The following NTM variants were observed in gnomAD, a reference collection of about 807,000 sequenced individuals.
NTM encodes the protein IgLON family member 2.
A neutral mutation model predicts 42.1 loss-of-function variants in NTM; 13 were observed. The ratio of observed to expected loss-of-function variants is 0.31; its 90% CI spans 0.20 to 0.49. The LOEUF is 0.49. Ranked by LOEUF, NTM falls within the 20% of genes least tolerant of loss-of-function variation. The pLI is 0.99. For synonymous variants in NTM, 187 were observed against 179.2 expected (o/e 1.04, Z -0.35); for missense variants, 373 against 452.8 (o/e 0.82, Z 1.60).
At chr11:131,584,100 A>G (rs894445673) in intron 1 of NTM, among the ~76,000 whole-genome samples, 1 of 152,238 alleles carries the variant, frequency 6.6e-6, no homozygotes, top group Non-Finnish European at 1.5e-5. Flanking sequence ...CACTAGGACT[A>G]CTACAGGCAA....
At chr11:131,949,147 A>G (rs1012382032) in intron 2 of NTM, among the ~76,000 whole-genome samples, 1 of 152,228 alleles carries the variant, frequency 6.6e-6, no homozygotes, top group Admixed American at 6.5e-5. Context: ...GTGTCGTCAC[A>G]TATGGCAGAT....
rs114616808 is a variant in NTM at position 131,775,941 on chromosome 11, C to A, written c.83-135623C>A. Among the ~76,000 whole-genome samples the A allele has an allele frequency of 7.4e-3, 1,129 of 152,262 alleles. 11 individuals are homozygous for A. The highest frequency in any genetic ancestry group is 0.025 in the African/African-American group (1,037 of 41,552). On this transcript the variant is annotated intron_variant, in intron 1 of 8. Transcript: ENST00000683400. ...TATTAGGGCAGACTAAGTGCTTTGA[C>A]AAAGATAACCCACACTGCTCATTGT...
intron 4 of NTM, among the ~76,000 whole-genome samples, chr11:132,265,464 A>G (rs921029909): frequency 2.0e-5 from 3 of 152,214 alleles, no homozygotes; most frequent in African/African-American, 7.2e-5. Context: ...TTCACCAGAA[A>G]CAACCCAAAC....
At chr11:131,598,723 C>G (rs1432980679) in intron 1 of NTM, among the ~76,000 whole-genome samples, 6 of 90,966 alleles carry the variant, frequency 6.6e-5, no homozygotes, top group African/African-American at 2.4e-4. Context: ...TTCTTTCTTT[C>G]TTTCTTTCTT....
intron 1 of NTM, among the ~76,000 whole-genome samples, chr11:131,587,446 CAA>C (rs11327748): frequency 2.9e-4 from 41 of 141,606 alleles, no homozygotes; most frequent in Non-Finnish European, 2.8e-4. Flanking sequence ...AGACTCTGTC[CAA>C]AAAAAAAAAA....
intron 1 of NTM, among the ~76,000 whole-genome samples, chr11:131,549,185 A>G (rs1396469302): frequency 2.0e-5 from 3 of 152,178 alleles, no homozygotes; most frequent in African/African-American, 7.2e-5. Flanking sequence ...GAATATCCTC[A>G]GATCCCATTC....
chr11:132,310,153 G>A lies in NTM; in HGVS notation c.703G>A (p.Val235Met), dbSNP rs763797870. 1.4e-5 allele frequency: 23 copies of A among 1,610,234 alleles called. No individual in the cohort carries two copies. The highest frequency in any genetic ancestry group is 2.2e-5 in the East Asian group (1 of 44,582). The change falls in exon 6 of 9, where the codon GTG becomes ATG. Residue 235 changes from valine to methionine, a missense_variant. Physicochemically the swap from Val to Met is conservative, Grantham distance 21 (BLOSUM62 1). Coordinates refer to ENST00000683400, the MANE Select transcript of NTM (RefSeq NM_001352005.2). ...ISEAKGTGVP[V>M]GQKGTLQCEA... ...AGAAGCCAAGGGTACAGGTGTCCCC[G>A]TGGGACAAAAGGGGACACTGCAGTG...
rs1012579443 is a variant in NTM at position 131,393,442 on chromosome 11, T to C, written c.82+22554T>C. Among the ~76,000 whole-genome samples, 5 of 152,224 alleles carry C rather than the reference T, an allele frequency of 3.3e-5. No individual in the cohort carries two copies. The East Asian group carries it at 9.6e-4, about 29-fold the overall frequency. Reference sequence around the variant, plus strand: ...AAGGGGAGGAGGGTCCCACCAGGATTGCCACCTAGGCCTGGATAAAGATGA... The same window carrying C: ...AAGGGGAGGAGGGTCCCACCAGGATCGCCACCTAGGCCTGGATAAAGATGA... On this transcript the variant is annotated intron_variant, in intron 1 of 8. Coordinates refer to ENST00000683400, the MANE Select transcript of NTM (RefSeq NM_001352005.2).
chr11:131,980,007 G>A (rs1413091444), intron 2 of NTM, among the ~76,000 whole-genome samples: 2 of 152,182 alleles, frequency 1.3e-5, no homozygotes, highest in Admixed American at 6.5e-5. Context: ...ACTGAGTCAG[G>A]TTCCAACTGC....
chr11:131,990,724 T>C (rs1402790342), intron 2 of NTM, among the ~76,000 whole-genome samples: 1 of 152,190 alleles, frequency 6.6e-6, no homozygotes. Context: ...ACACAGTTTT[T>C]ATAAAAGCTT....
chr11:132,014,837 C>T (rs1306606908), intron 2 of NTM, among the ~76,000 whole-genome samples: 1 of 148,372 alleles, frequency 6.7e-6, no homozygotes, highest in African/African-American at 2.5e-5. Flanking sequence ...TCCCATTCCA[C>T]AGGTGTCTCT....
In NTM at chr11:131,671,490, C is replaced by T. The variant is rs181751776; in HGVS notation, c.83-240074C>T. On this transcript the variant is annotated intron_variant, in intron 1 of 8. Coordinates refer to ENST00000683400, the MANE Select transcript of NTM (RefSeq NM_001352005.2). Reference sequence around the variant, plus strand: ...GAGAATGTGGTTGAATCAGTGTTAGCCCTGGGCTGGCAGGGCCTACCGGTG... The same window carrying T: ...GAGAATGTGGTTGAATCAGTGTTAGTCCTGGGCTGGCAGGGCCTACCGGTG... 455 of 985,394 alleles carry T rather than the reference C, an allele frequency of 4.6e-4. 2 individuals are homozygous for T. In the African/African-American group the frequency reaches 7.4e-3, roughly 16 times the overall value. The allele number at this position is 985,394 out of a possible 1,614,324, so 61.0% of individuals were successfully genotyped here. A position where few individuals can be genotyped will look rare whatever the true frequency, so the allele number is the denominator to read the frequency against.
chr11:131,804,304 G>T (rs1310771988), intron 1 of NTM, among the ~76,000 whole-genome samples: 1 of 152,282 alleles, frequency 6.6e-6, no homozygotes, highest in Non-Finnish European at 1.5e-5. Flanking sequence ...TGCCAGGTAA[G>T]TTAAGTCCAG....
At chr11:131,388,379 A>G (rs562086809) in intron 1 of NTM, among the ~76,000 whole-genome samples, 1 of 150,226 alleles carries the variant, frequency 6.7e-6, no homozygotes, top group Admixed American at 6.6e-5. Context: ...AATGATTTTT[A>G]TTATGCAGAG....
chr11:132,143,704 AG>A (rs1473819399), intron 2 of NTM, among the ~76,000 whole-genome samples: 3 of 152,162 alleles, frequency 2.0e-5, no homozygotes, highest in African/African-American at 4.8e-5. Flanking sequence ...GCCACCCTTC[AG>A]ATTATTAATA....
intron 1 of NTM, among the ~76,000 whole-genome samples, chr11:131,649,575 C>T (rs778473785): frequency 6.6e-6 from 1 of 152,134 alleles, no homozygotes; most frequent in East Asian, 1.9e-4. Context: ...ATCTATTCTC[C>T]GAGGTCACAC....
In NTM at chr11:131,436,060, G is replaced by A. The variant is rs552565473; in HGVS notation, c.82+65172G>A. Among the ~76,000 whole-genome samples, 11 of 152,170 alleles carry A rather than the reference G, an allele frequency of 7.2e-5. No individual in the cohort carries two copies. The South Asian group carries it at 1.9e-3, about 26-fold the overall frequency. On this transcript the variant is annotated intron_variant, in intron 1 of 8. Coordinates refer to ENST00000683400, the MANE Select transcript of NTM (RefSeq NM_001352005.2). ...TTGAGATAATCATGTGGTTTTTAAC[G>A]TTGGATCTGTTTATGTGATGGATTA...
chr11:131,563,436 C>T (rs989973226), intron 1 of NTM, among the ~76,000 whole-genome samples: 1 of 152,200 alleles, frequency 6.6e-6, no homozygotes, highest in African/African-American at 2.4e-5. Flanking sequence ...TTACCATCAT[C>T]CCTGGGCATC....
chr11:132,170,557 G>C (rs1026498746), intron 3 of NTM, among the ~76,000 whole-genome samples: 1 of 152,154 alleles, frequency 6.6e-6, no homozygotes, highest in African/African-American at 2.4e-5. Flanking sequence ...TTAATTAAGA[G>C]CTATGAATTT....
Sources: gnomAD v4.1 joint callset for allele counts (sites outside exome capture counted in the v4.1 genomes callset) on GRCh38, gnomAD v4.1.1 for gene constraint, MANE v1.5 for transcripts, NCBI Gene and HGNC (gene_info 2026-07-23, HGNC 2026-07-21) for gene names.